The following HMGCLL1 variants were observed in gnomAD, a reference collection of about 807,000 sequenced individuals.
The protein encoded by HMGCLL1 is 3-hydroxy-3-methylglutaryl-CoA lyase like 1.
In HMGCLL1, 36 loss-of-function variants were observed where a neutral mutation model predicts 39.1. That is an observed-to-expected ratio of 0.92 (90% CI 0.71 to 1.22). HMGCLL1 has a LOEUF of 1.22. HMGCLL1 is among the 50% of genes most tolerant of loss of function. The pLI is 0.00. For synonymous variants in HMGCLL1, 149 were observed against 144.0 expected (o/e 1.03, Z -0.25); for missense variants, 451 against 416.5 (o/e 1.08, Z -0.72).
the HMGCLL1 span, among the ~76,000 whole-genome samples, chr6:55,601,659 CT>C: frequency 1.7e-4 from 26 of 152,070 alleles, no homozygotes; most frequent in South Asian, 2.1e-4. Flanking sequence ...GCCCTAAAAA[CT>C]TTTTTTTCCT....
At chr6:55,600,605 G>C in the HMGCLL1 span, among the ~76,000 whole-genome samples, 1 of 152,036 alleles carries the variant, frequency 6.6e-6, no homozygotes, top group South Asian at 2.1e-4. Flanking sequence ...TGTTCTTTTT[G>C]TTAATGGACA....
rs1186579648 is a variant in HMGCLL1, at chr6:55,439,548, A to G, written c.807T>C (p.Asn269=). ...NILTALQMGI[N]VVDSAVSGLG... ...ATCCGGATACTGCGGAGTCCACCAC[A>G]TTAATTCCCATCTGGAAAACAAACC... The change falls in exon 8 of 9, where the codon AAT becomes AAC. Residue 269 remains asparagine, a synonymous_variant. Transcript: ENST00000274901. 3 of 1,612,156 alleles carry G rather than the reference A, an allele frequency of 1.9e-6. No individual in the cohort carries two copies. Among genetic ancestry groups the G allele is most frequent in the East Asian group, 4.5e-5 (2 of 44,838 alleles).
rs1295762012 is a variant in HMGCLL1 at position 55,499,265 on chromosome 6, C to A, written c.577G>T (p.Gly193Ter). Residue 193 changes from glycine to a stop codon, truncating the protein, a stop_gained, in exon 6 of 9, where the codon GGA (glycine) becomes TGA (stop). Transcript: ENST00000274901. LOFTEE classifies it high-confidence loss of function. ...VSCALGCPYE[G>*]SITPQKVTEV... is the part of the protein sequence containing the mutation. Reference sequence around the variant, plus strand: ...GTCACTTTTTGCGGTGTAATACTTCCTTCATATGGACAGCCCAGAGCACAA... The same window carrying A: ...GTCACTTTTTGCGGTGTAATACTTCATTCATATGGACAGCCCAGAGCACAA... 1 of 1,610,530 alleles carries A rather than the reference C, an allele frequency of 6.2e-7. No individual in the cohort carries two copies. The highest frequency in any genetic ancestry group is 1.3e-5 in the African/African-American group (1 of 74,806).
At chr6:55,615,478 T>C in the HMGCLL1 span, among the ~76,000 whole-genome samples, 1 of 152,158 alleles carries the variant, frequency 6.6e-6, no homozygotes, top group African/African-American at 2.4e-5. Flanking sequence ...AGGGAAAGGC[T>C]TGAAAGAAGT....
In HMGCLL1 at chr6:55,579,050, C is replaced by G; in HGVS notation, c.6G>C (p.Gly2=). The change falls in exon 1 of 9, where the codon GGG becomes GGC. Residue 2 remains glycine (G), a synonymous_variant. Transcript: ENST00000274901. ...AGTGCTTCACCGCGGATGGCACATTCCCCATGGCGGAGCCTGGGGCGGCAG... is the reference window on the plus strand; with the variant it reads ...AGTGCTTCACCGCGGATGGCACATTGCCCATGGCGGAGCCTGGGGCGGCAG... M[G]NVPSAVKHCL... The G allele has an allele frequency of 1.2e-6, 2 of 1,609,892 alleles. No homozygotes were observed. The highest frequency in any genetic ancestry group is 8.5e-7 in the Non-Finnish European group (1 of 1,177,740).
intron 1 of HMGCLL1, among the ~76,000 whole-genome samples, chr6:55,544,921 C>G (rs1769873821): frequency 6.6e-6 from 1 of 152,082 alleles, no homozygotes; most frequent in African/African-American, 2.4e-5. Context: ...CTTTAAACTC[C>G]ATTTGGATGA....
At chr6:55,483,779 AT>A (rs1474406384) in intron 7 of HMGCLL1, among the ~76,000 whole-genome samples, 1 of 152,186 alleles carries the variant, frequency 6.6e-6, no homozygotes, top group Non-Finnish European at 1.5e-5. Context: ...CAATTATGTC[AT>A]TTTTTAAAAA....
At chr6:55,469,088 G>T (rs73447029) in intron 7 of HMGCLL1, among the ~76,000 whole-genome samples, 32,906 of 150,688 alleles carry the variant, frequency 0.22, 4,770 homozygotes, top group African/African-American at 0.42. Flanking sequence ...GAAGTACTAT[G>T]TTGAAATTAG....
At chr6:55,567,876 T>A (rs1463710124) in intron 1 of HMGCLL1, among the ~76,000 whole-genome samples, 1 of 152,162 alleles carries the variant, frequency 6.6e-6, no homozygotes, top group Non-Finnish European at 1.5e-5. Flanking sequence ...TTCCTTGTAT[T>A]AAAAATGTGT....
the HMGCLL1 span, among the ~76,000 whole-genome samples, chr6:55,587,435 A>G: frequency 6.6e-6 from 1 of 151,760 alleles, no homozygotes; most frequent in Non-Finnish European, 1.5e-5. Flanking sequence ...CATGGAAACG[A>G]ACAACCGGAA....
chr6:55,619,143 AAAG>A, the HMGCLL1 span, among the ~76,000 whole-genome samples: 1 of 152,086 alleles, frequency 6.6e-6, no homozygotes, highest in South Asian at 2.1e-4. Flanking sequence ...TAGGGATCAA[AAAG>A]AAGATGAAGT....
At chr6:55,674,255 G>A in the HMGCLL1 span, among the ~76,000 whole-genome samples, 2 of 151,804 alleles carry the variant, frequency 1.3e-5, no homozygotes, top group Non-Finnish European at 2.9e-5. Flanking sequence ...TTAGTTTTAT[G>A]ACTCATTCTG....
chr6:55,653,380 C>A, the HMGCLL1 span, among the ~76,000 whole-genome samples: 1 of 151,826 alleles, frequency 6.6e-6, no homozygotes, highest in Non-Finnish European at 1.5e-5. Flanking sequence ...TTGTATGAAA[C>A]CTAGAACAGG....
chr6:55,565,902 C>T (rs969692979), intron 1 of HMGCLL1, among the ~76,000 whole-genome samples: 1 of 150,576 alleles, frequency 6.6e-6, no homozygotes, highest in Non-Finnish European at 1.5e-5. Context: ...AAGCAGAGTT[C>T]TAAATTACTC....
chr6:55,622,310 G>C, the HMGCLL1 span, among the ~76,000 whole-genome samples: 1 of 151,958 alleles, frequency 6.6e-6, no homozygotes, highest in Non-Finnish European at 1.5e-5. Context: ...GTACTATGTT[G>C]AATAATTGGT....
intron 7 of HMGCLL1, among the ~76,000 whole-genome samples, chr6:55,455,809 A>C (rs528677053): frequency 6.6e-6 from 1 of 152,286 alleles, no homozygotes; most frequent in East Asian, 1.9e-4. Context: ...TGCAGAAGGA[A>C]TCCCTTCTAC....
chr6:55,467,974 A>C (rs1449663209), intron 7 of HMGCLL1, among the ~76,000 whole-genome samples: 1 of 152,032 alleles, frequency 6.6e-6, no homozygotes, highest in African/African-American at 2.4e-5. Flanking sequence ...TTAAAAGATA[A>C]ATAGGCATTG....
At chr6:55,521,109 C>T (rs1768015637) in intron 3 of HMGCLL1, among the ~76,000 whole-genome samples, 1 of 152,222 alleles carries the variant, frequency 6.6e-6, no homozygotes, top group South Asian at 2.1e-4. Flanking sequence ...GATATCCTAT[C>T]ATGTTGTAAT....
At chr6:55,485,257 A>C (rs1252837083) in intron 7 of HMGCLL1, among the ~76,000 whole-genome samples, 3 of 152,044 alleles carry the variant, frequency 2.0e-5, no homozygotes, top group East Asian at 3.9e-4. Flanking sequence ...TTTTTTGCAT[A>C]GCTTTTATCG....
Sources: gnomAD v4.1 joint callset for allele counts (sites outside exome capture counted in the v4.1 genomes callset) on GRCh38, gnomAD v4.1.1 for gene constraint, MANE v1.5 for transcripts, NCBI Gene and HGNC (gene_info 2026-07-23, HGNC 2026-07-21) for gene names.